Variants in TTC39B observed in about 807,000 individuals in gnomAD.
TTC39B encodes tetratricopeptide repeat protein 39B.
In TTC39B, 92 loss-of-function variants were observed where a neutral mutation model predicts 96.6. The ratio of observed to expected loss-of-function variants is 0.95; its 90% CI spans 0.80 to 1.13. TTC39B has a LOEUF of 1.13. TTC39B is among the 50% of genes most tolerant of loss of function. TTC39B has a pLI of 0.00. For missense variants in TTC39B, 955 were observed against 809.3 expected (o/e 1.18, Z -2.18); for synonymous variants, 367 against 299.4 (o/e 1.23, Z -2.33).
intron 2 of TTC39B, among the ~76,000 whole-genome samples, chr9:15,252,457 G>A (rs1822597510): frequency 6.6e-6 from 1 of 152,242 alleles, no homozygotes; most frequent in African/African-American, 2.4e-5. Context: ...GACCATCCTG[G>A]CTAACACGGT....
At chr9:15,276,848 G>A (rs569149385) in intron 1 of TTC39B, among the ~76,000 whole-genome samples, 9 of 152,250 alleles carry the variant, frequency 5.9e-5, no homozygotes, top group South Asian at 2.1e-4. Flanking sequence ...GAACAGGTCC[G>A]ACTTAAAACA....
chr9:15,208,321 C>A (rs1261590089), intron 6 of TTC39B, among the ~76,000 whole-genome samples: 1 of 151,816 alleles, frequency 6.6e-6, no homozygotes, highest in Non-Finnish European at 1.5e-5. Flanking sequence ...CCACACCCGG[C>A]CAAATTATTA....
chr9:15,290,109 T>G (rs1197120217), intron 1 of TTC39B, among the ~76,000 whole-genome samples: 2 of 152,254 alleles, frequency 1.3e-5, no homozygotes, highest in African/African-American at 4.8e-5. Context: ...TTTTTAATTT[T>G]TTAATTATTT....
chr9:15,229,944 C>A (rs1821331928), intron 2 of TTC39B, among the ~76,000 whole-genome samples: 1 of 152,202 alleles, frequency 6.6e-6, no homozygotes, highest in Non-Finnish European at 1.5e-5. Flanking sequence ...ACTGGGAATT[C>A]ATTACATTAT....
chr9:15,202,504 G>A (rs1439837252), intron 7 of TTC39B, among the ~76,000 whole-genome samples: 1 of 152,142 alleles, frequency 6.6e-6, no homozygotes, highest in African/African-American at 2.4e-5. Flanking sequence ...CTGAGGTCAG[G>A]AGTTCGAGAC....
At position 15,283,229 on chromosome 9, in the gene TTC39B, C is replaced by T. The variant is rs555114341; in HGVS notation, c.241-15281G>A. ...GTATCAAGTGGAATATCACTAAAGACAGAAATTTTATTCACATGTGTATAT... is the reference window on the plus strand; with the variant it reads ...GTATCAAGTGGAATATCACTAAAGATAGAAATTTTATTCACATGTGTATAT... On this transcript the variant is annotated intron_variant, in intron 1 of 19. Transcript: ENST00000512701. Among the ~76,000 whole-genome samples the T allele has an allele frequency of 5.3e-5, 8 of 152,268 alleles. No individual in the cohort carries two copies. In the East Asian group the frequency reaches 1.5e-3, roughly 29 times the overall value.
In TTC39B at chr9:15,268,380, G is replaced by A. The variant is rs149974752; in HGVS notation, c.241-432C>T. ...ACATATTGCACCACCCTCTCAGCTC[G>A]TCTCCCTGCCACCAGCCTTTCCCCC... On this transcript the variant is annotated intron_variant, in intron 1 of 19. Coordinates refer to ENST00000512701, the Ensembl canonical transcript of TTC39B. 3.2e-3 allele frequency among the ~76,000 whole-genome samples: 489 copies of A among 152,104 alleles called. 6 individuals are homozygous for A. Among genetic ancestry groups the A allele is most frequent in the Non-Finnish European group, 5.1e-3 (347 of 67,986 alleles).
intron 3 of TTC39B, among the ~76,000 whole-genome samples, chr9:15,217,527 C>G (rs1198676718): frequency 6.6e-6 from 1 of 152,158 alleles, no homozygotes; most frequent in Non-Finnish European, 1.5e-5. Context: ...ACTAGGGCTA[C>G]CATGGGTTCT....
At chr9:15,220,866 G>C (rs1431322627) in intron 3 of TTC39B, among the ~76,000 whole-genome samples, 2 of 152,144 alleles carry the variant, frequency 1.3e-5, no homozygotes, top group African/African-American at 2.4e-5. Context: ...TTGGGCAAGA[G>C]TCTACAGCCA....
chr9:15,206,835 T>C (rs904770265), intron 6 of TTC39B, among the ~76,000 whole-genome samples: 2 of 152,164 alleles, frequency 1.3e-5, no homozygotes, highest in Non-Finnish European at 2.9e-5. Context: ...GCAACCTCTG[T>C]GATATGGTTA....
chr9:15,193,107 T>C (rs1232088271), intron 8 of TTC39B, among the ~76,000 whole-genome samples: 1 of 152,232 alleles, frequency 6.6e-6, no homozygotes, highest in African/African-American at 2.4e-5. Flanking sequence ...AAGATCTGAA[T>C]TTCAGTGTGA....
intron 2 of TTC39B, among the ~76,000 whole-genome samples, chr9:15,242,691 C>T (rs1472741275): frequency 6.6e-6 from 1 of 152,182 alleles, no homozygotes; most frequent in Non-Finnish European, 1.5e-5. Context: ...AGACCACCTT[C>T]TCTGGAGCAA....
intron 14 of TTC39B, 25 bp downstream of exon 14, chr9:15,187,946 C>T: frequency 6.5e-7 from 1 of 1,543,354 alleles, no homozygotes; most frequent in Non-Finnish European, 8.7e-7. Context: ...AAACAGATGA[C>T]ATTAATGAAA....
At chr9:15,230,158 C>T (rs1821344267) in intron 2 of TTC39B, among the ~76,000 whole-genome samples, 1 of 152,166 alleles carries the variant, frequency 6.6e-6, no homozygotes, top group Non-Finnish European at 1.5e-5. Context: ...TCAATTACAG[C>T]TATTAGTACA....
chr9:15,234,950 C>G (rs918310216), intron 2 of TTC39B, among the ~76,000 whole-genome samples: 5 of 151,570 alleles, frequency 3.3e-5, no homozygotes, highest in Non-Finnish European at 7.4e-5. Context: ...ACTTGTTTAT[C>G]TGCTGACCTT....
chr9:15,261,186 A>G (rs1822931757), intron 2 of TTC39B, among the ~76,000 whole-genome samples: 1 of 152,190 alleles, frequency 6.6e-6, no homozygotes, highest in Non-Finnish European at 1.5e-5. Context: ...AGGTTAATCA[A>G]AAATACCACC....
At chr9:15,209,858 T>C (rs1223250351) in intron 6 of TTC39B, among the ~76,000 whole-genome samples, 2 of 151,898 alleles carry the variant, frequency 1.3e-5, no homozygotes, top group African/African-American at 4.8e-5. Context: ...AAATGAACAA[T>C]CCATGAGCAA....
chr9:15,279,051 C>T (rs1823653461), intron 1 of TTC39B, among the ~76,000 whole-genome samples: 1 of 152,136 alleles, frequency 6.6e-6, no homozygotes, highest in South Asian at 2.1e-4. Flanking sequence ...GGAATAATAC[C>T]ACTTAATTTA....
At chr9:15,184,973 CTTCT>C (rs529267588) in intron 16 of TTC39B, among the ~76,000 whole-genome samples, 66 of 152,262 alleles carry the variant, frequency 4.3e-4, no homozygotes, top group Non-Finnish European at 7.5e-4. Context: ...ATGGAATCAA[CTTCT>C]TTCTGTCTAA....
Sources: allele counts gnomAD v4.1 joint callset (sites outside exome capture counted in the v4.1 genomes callset), GRCh38; gene constraint gnomAD v4.1.1; transcripts MANE v1.5; gene names NCBI Gene and HGNC (gene_info 2026-07-23, HGNC 2026-07-21).